JRK: variants seen among roughly 807,000 people sequenced by gnomAD.
JRK encodes Jrk helix-turn-helix protein, also known as jerky protein homolog.
For synonymous variants in JRK, 303 were observed against 218.1 expected (o/e 1.39, Z -3.43); for missense variants, 720 against 509.2 (o/e 1.41, Z -3.98).
At chr8:142,653,120 T>C (rs587712274), downstream of JRK, among the ~76,000 whole-genome samples, 85 of 152,316 alleles carry the variant, frequency 5.6e-4, no homozygotes, top group African/African-American at 1.9e-3. Context: ...CAAACTGCCC[T>C]TGATCACTTC....
chr8:142,664,899 G>A lies in JRK; in HGVS notation c.1160C>T (p.Pro387Leu), dbSNP rs782633917. Residue 387 changes from proline (P) to leucine (L), a missense_variant, in exon 2 of 2, where the codon CCG becomes CTG. Pro to Leu is a moderately conservative substitution (Grantham distance 98). Coordinates refer to ENST00000612905, the MANE Select transcript of JRK (RefSeq NM_003724.4). ...VFRRAWRKLW[P>L]SVAFAEGSSS... ...GGAGCCTTCGGCAAACGCAACCGAC[G>A]GCCACAGCTTCCTCCAGGCCCGCCT... The A allele has an allele frequency of 1.6e-5, 18 of 1,145,036 alleles. No homozygotes were observed. The highest frequency in any genetic ancestry group is 2.1e-5 in the Non-Finnish European group (16 of 756,086). 70.9% of individuals were successfully genotyped at this position (1,145,036 alleles called of 1,614,324 possible).
downstream of JRK, among the ~76,000 whole-genome samples, chr8:142,657,194 C>T (rs1846771371): frequency 6.6e-6 from 1 of 152,160 alleles, no homozygotes; most frequent in South Asian, 2.1e-4. Context: ...CTAGATGAGT[C>T]CTATACTCAC....
In JRK at chr8:142,658,828, C is replaced by T. The variant is rs1846821482; in HGVS notation, c.*5524G>A. On this transcript the variant is annotated 3_prime_UTR_variant, in exon 2 of 2. Coordinates refer to ENST00000612905, the MANE Select transcript of JRK (RefSeq NM_003724.4). ...GGGGACAGAGGGGTCTTACCCAGCA[C>T]TGCCATGTGGCAGAAGTTCTCCAAC... is the stretch of plus-strand genomic sequence containing the variant. The T allele has an allele frequency of 3.1e-6, 5 of 1,605,914 alleles. No individual in the cohort carries two copies. Among genetic ancestry groups the T allele is most frequent in the Non-Finnish European group, 4.3e-6 (5 of 1,176,114 alleles).
downstream of JRK, among the ~76,000 whole-genome samples, chr8:142,656,795 T>G (rs1247551047): frequency 6.6e-6 from 1 of 152,198 alleles, no homozygotes; most frequent in Non-Finnish European, 1.5e-5. Context: ...CTTTGGGAGC[T>G]GAGCGTTTGG....
At position 142,664,392 on chromosome 8, in the gene JRK, T is replaced by A; in HGVS notation, c.1667A>T (p.Gln556Leu). The A allele has an allele frequency of 6.3e-7, 1 of 1,592,414 alleles. No homozygotes were observed. Among genetic ancestry groups the A allele is most frequent in the Non-Finnish European group, 8.6e-7 (1 of 1,166,362 alleles). The change falls in exon 2 of 2, where the codon CAG (glutamine) becomes CTG (leucine). Residue 556 changes from glutamine to leucine, a missense_variant. Transcript: ENST00000612905. ...TGTGGATGAGCAGGGCAAGGGAGACTGAGCTGTGGCCCCACAGCCACCAGG... is the reference window on the plus strand; with the variant it reads ...TGTGGATGAGCAGGGCAAGGGAGACAGAGCTGTGGCCCCACAGCCACCAGG... ...EGPGGCGATA[Q>L]SPLPCSSTAG... is the part of the protein sequence containing the mutation.
Position 142,664,467 on chromosome 8 carries a change from C to G in JRK, c.1592G>C (p.Arg531Pro), listed in dbSNP as rs781888385. ...VFRSQQQVRR[R>P]RGALGAVVKV... Reference sequence around the variant, plus strand: ...GACCACAGCCCCGAGGGCACCACGCCGCCTCCTCACCTGCTGCTGGCTCCG... The same window carrying G: ...GACCACAGCCCCGAGGGCACCACGCGGCCTCCTCACCTGCTGCTGGCTCCG... The change falls in exon 2 of 2, where the codon CGG becomes CCG. Residue 531 changes from arginine (R) to proline (P), a missense_variant. By Grantham distance (103) the Arg-to-Pro change is moderately radical (BLOSUM62 -2). Coordinates refer to ENST00000612905, the MANE Select transcript of JRK (RefSeq NM_003724.4). 19 of 1,611,154 alleles carry G rather than the reference C, an allele frequency of 1.2e-5. No individual in the cohort carries two copies. The highest frequency in any genetic ancestry group is 1.5e-5 in the Non-Finnish European group (18 of 1,179,024).
At position 142,659,469 on chromosome 8, in the gene JRK, T is replaced by C. The variant is rs1317629230; in HGVS notation, c.*4883A>G. Reference sequence around the variant, plus strand: ...GCTTGCTTCCCAGCCAGCCTGGGTGTGGAAATGGCCGTGCTGACAGGCTCT... The same window carrying C: ...GCTTGCTTCCCAGCCAGCCTGGGTGCGGAAATGGCCGTGCTGACAGGCTCT... On this transcript the variant is annotated 3_prime_UTR_variant, in exon 2 of 2. Transcript: ENST00000612905. 2 of 986,476 alleles carry C rather than the reference T, an allele frequency of 2.0e-6. No individual in the cohort carries two copies. The highest frequency in any genetic ancestry group is 2.4e-6 in the Non-Finnish European group (2 of 830,642). The allele number at this position is 986,476 out of a possible 1,614,324, so 61.1% of individuals were successfully genotyped here. A position where few individuals can be genotyped will look rare whatever the true frequency, so the allele number is the denominator to read the frequency against.
chr8:142,659,383 G>A lies in JRK; in HGVS notation c.*4969C>T, dbSNP rs942629263. The A allele has an allele frequency of 8.2e-5, 81 of 989,236 alleles. No homozygotes were observed. Among genetic ancestry groups the A allele is most frequent in the Non-Finnish European group, 9.3e-5 (77 of 832,318 alleles). The allele number at this position is 989,236 out of a possible 1,614,324, so 61.3% of individuals were successfully genotyped here. On this transcript the variant is annotated 3_prime_UTR_variant, in exon 2 of 2. Transcript: ENST00000612905. ...CCTTTGGCTACTAAGGAGGCCCAAC[G>A]ATCCTCGCCTGTGTGGGACGGGGCT...
Position 142,658,554 on chromosome 8 carries a change from CAA to C in JRK, c.*5796_*5797del, listed in dbSNP as rs587739810. 4.7e-4 allele frequency: 124 copies of C among 264,158 alleles called. No homozygotes were observed. Among genetic ancestry groups the C allele is most frequent in the African/African-American group, 2.6e-3 (116 of 45,428 alleles). The allele number at this position is 264,158 out of a possible 1,614,324, so 16.4% of individuals were successfully genotyped here. A position where few individuals can be genotyped will look rare whatever the true frequency, so the allele number is the denominator to read the frequency against. ...AGTTTTCTTGTATGCTCACACAGCA[CAA>C]AGTGACCTCGCTCTAGTTCCTTCCT... On this transcript the variant is annotated 3_prime_UTR_variant, in exon 2 of 2. Coordinates refer to ENST00000612905, the MANE Select transcript of JRK (RefSeq NM_003724.4).
the JRK span, among the ~76,000 whole-genome samples, chr8:142,646,657 G>A: frequency 1.9e-3 from 291 of 152,252 alleles, 2 homozygotes; most frequent in African/African-American, 6.8e-3. Flanking sequence ...TTTAAAGCTA[G>A]CTTATTTATT....
At chr8:142,648,554 T>C in the JRK span, among the ~76,000 whole-genome samples, 1 of 152,224 alleles carries the variant, frequency 6.6e-6, no homozygotes, top group African/African-American at 2.4e-5. Context: ...GTGTTGAGCC[T>C]GTGAGTCCAC....
Position 142,659,074 on chromosome 8 carries a change from A to G in JRK, c.*5278T>C. 7.0e-7 allele frequency: 1 copy of G among 1,421,132 alleles called. No homozygotes were observed. The highest frequency in any genetic ancestry group is 9.2e-7 in the Non-Finnish European group (1 of 1,085,874). 88.0% of individuals were successfully genotyped at this position (1,421,132 alleles called of 1,614,324 possible). A position where few individuals can be genotyped will look rare whatever the true frequency, so the allele number is the denominator to read the frequency against. On this transcript the variant is annotated 3_prime_UTR_variant, in exon 2 of 2. Coordinates refer to ENST00000612905, the MANE Select transcript of JRK (RefSeq NM_003724.4). ...GATTCCTAGTGTATTTTTTCTCTTC[A>G]GAACTGACAGCCCATCAAGGTACAA...
rs587633593 is a variant in JRK, at chr8:142,664,689, G to A, written c.1370C>T (p.Ser457Leu). Residue 457 changes from serine to leucine, a missense_variant, in exon 2 of 2, where the codon TCG (serine) becomes TTG (leucine). Ser to Leu is a moderately radical substitution (Grantham distance 145, BLOSUM62 -2). Transcript: ENST00000612905. ...TGAACTCCACACAACCTCTGCTGGC[G>A]ACGTGGCAGCAGGGGGCCGTCCCCC... is the stretch of plus-strand genomic sequence containing the variant. ...AEGGRPPAAT[S>L]PAEVVWSSEK... 7.5e-6 allele frequency: 12 copies of A among 1,610,032 alleles called. No individual in the cohort carries two copies. Among genetic ancestry groups the A allele is most frequent in the Admixed American group, 1.7e-5 (1 of 59,686 alleles).
In JRK at chr8:142,662,513, G is replaced by A; in HGVS notation, c.*1839C>T. On this transcript the variant is annotated 3_prime_UTR_variant, in exon 2 of 2. Coordinates refer to ENST00000612905, the MANE Select transcript of JRK (RefSeq NM_003724.4). ...AGACAATGAAGCAAACAGTGCGGGT[G>A]ACACCACAAAGACAATGGGACACAA... 1.0e-6 allele frequency: 1 copy of A among 985,470 alleles called. No homozygotes were observed. The highest frequency in any genetic ancestry group is 1.2e-6 in the Non-Finnish European group (1 of 829,956). The allele number at this position is 985,470 out of a possible 1,614,324, so 61.0% of individuals were successfully genotyped here.
intron 1 of JRK, among the ~76,000 whole-genome samples, chr8:142,669,021 C>T (rs1482901541): frequency 1.3e-5 from 2 of 152,132 alleles, no homozygotes; most frequent in South Asian, 4.2e-4. Context: ...CGGGATGAAA[C>T]GTGCAATTCT....
Position 142,666,189 on chromosome 8 carries a change from T to G in JRK, c.-131A>C. ...TCTCCACTCTGCCTGCCTGCTCTGC[T>G]GATCCTGAGCACAGGCCCCAGTCCC... On this transcript the variant is annotated 5_prime_UTR_variant, in exon 2 of 2. Coordinates refer to ENST00000612905, the MANE Select transcript of JRK (RefSeq NM_003724.4). 1 of 1,481,794 alleles carries G rather than the reference T, an allele frequency of 6.7e-7. No homozygotes were observed. The highest frequency in any genetic ancestry group is 9.2e-7 in the Non-Finnish European group (1 of 1,089,940). The allele number at this position is 1,481,794 out of a possible 1,614,324, so 91.8% of individuals were successfully genotyped here. A position where few individuals can be genotyped will look rare whatever the true frequency, so the allele number is the denominator to read the frequency against.
At position 142,663,707 on chromosome 8, in the gene JRK, G is replaced by C. The variant is rs1227935404; in HGVS notation, c.*645C>G. 1.0e-6 allele frequency: 1 copy of C among 985,358 alleles called. No homozygotes were observed. The highest frequency in any genetic ancestry group is 1.7e-5 in the African/African-American group (1 of 57,246). 61.0% of individuals were successfully genotyped at this position (985,358 alleles called of 1,614,324 possible). A position where few individuals can be genotyped will look rare whatever the true frequency, so the allele number is the denominator to read the frequency against. On this transcript the variant is annotated 3_prime_UTR_variant, in exon 2 of 2. Transcript: ENST00000612905. ...CAACATCTTGGGGCCAGAGCCCATGGGACAGGATCTGCGGGTAACAGAGGA... is the reference window on the plus strand; with the variant it reads ...CAACATCTTGGGGCCAGAGCCCATGCGACAGGATCTGCGGGTAACAGAGGA...
At chr8:142,669,201 CGT>C (rs1218262926) in intron 1 of JRK, among the ~76,000 whole-genome samples, 2,598 of 48,012 alleles carry the variant, frequency 0.054, 69 homozygotes, top group African/African-American at 0.18. Flanking sequence ...TGTGTGTGTG[CGT>C]GTGTGTGTTG....
the JRK span, among the ~76,000 whole-genome samples, chr8:142,646,514 T>C: frequency 6.6e-6 from 1 of 152,214 alleles, no homozygotes; most frequent in Non-Finnish European, 1.5e-5. Flanking sequence ...GGTTTATAGT[T>C]TTGCAACCCC....
Sources: gnomAD v4.1 joint callset for allele counts (sites outside exome capture counted in the v4.1 genomes callset) on GRCh38, gnomAD v4.1.1 for gene constraint, MANE v1.5 for transcripts, NCBI Gene and HGNC (gene_info 2026-07-23, HGNC 2026-07-21) for gene names.